The following MAML2 variants were observed in gnomAD, a reference collection of about 807,000 sequenced individuals.
MAML2 encodes the protein mastermind like transcriptional coactivator 2, also known as mastermind-like protein 2.
Under a neutral mutation model 96.1 loss-of-function variants are expected in MAML2, and 22 were observed. That is an observed-to-expected ratio of 0.23 (90% CI 0.16 to 0.33). The LOEUF (loss-of-function observed/expected upper bound fraction) is 0.33, where lower values mean the gene tolerates loss of function less well. Ranked by LOEUF, MAML2 falls within the 10% of genes least tolerant of loss-of-function variation. The probability of loss-of-function intolerance (pLI) is 1.00; values close to 1 mark genes in which losing one functional copy is unlikely to be tolerated. For synonymous variants in MAML2, 561 were observed against 521.3 expected (o/e 1.08, Z -1.04); for missense variants, 1,367 against 1,392.4 (o/e 0.98, Z 0.29).
At chr11:96,199,514 T>C (rs1174192818) in intron 1 of MAML2, among the ~76,000 whole-genome samples, 3 of 151,706 alleles carry the variant, frequency 2.0e-5, no homozygotes, top group Non-Finnish European at 4.4e-5. Context: ...ACCTTCCATG[T>C]TTCAGATAAT....
intron 1 of MAML2, among the ~76,000 whole-genome samples, chr11:96,270,924 A>G (rs1177018613): frequency 6.6e-6 from 1 of 152,194 alleles, no homozygotes; most frequent in African/African-American, 2.4e-5. Flanking sequence ...ATCAGCTGCC[A>G]GTGTGGCTAG....
chr11:96,092,341 A>G lies in MAML2; in HGVS notation c.1690T>C (p.Ser564Pro), dbSNP rs1182590654. The G allele has an allele frequency of 6.2e-7, 1 of 1,610,978 alleles. No homozygotes were observed. The highest frequency in any genetic ancestry group is 8.5e-7 in the Non-Finnish European group (1 of 1,178,712). Reference sequence around the variant, plus strand: ...GGCATCTGCTGGTTCGCTTGATCTGAGTTAAAATGAAACAAAGGCTTGGTG... The same window carrying G: ...GGCATCTGCTGGTTCGCTTGATCTGGGTTAAAATGAAACAAAGGCTTGGTG... ...GNTKPLFHFN[S>P]DQANQQMPSV... Residue 564 changes from serine (S) to proline (P), a missense_variant, in exon 2 of 5, where the codon TCA (serine) becomes CCA (proline). Physicochemically the swap from Ser to Pro is moderately conservative, Grantham distance 74. Coordinates refer to ENST00000524717, the MANE Select transcript of MAML2 (RefSeq NM_032427.4). The surrounding 1 kb of genome is among the most constrained non-coding windows in gnomAD (Gnocchi z 4.1).
intron 1 of MAML2, among the ~76,000 whole-genome samples, chr11:96,148,339 A>G (rs777533996): frequency 6.6e-6 from 1 of 152,150 alleles, no homozygotes; most frequent in Non-Finnish European, 1.5e-5. Context: ...TCAGGCATGC[A>G]GCTCTGAAAG....
At chr11:96,096,362 C>T (rs984453668) in intron 1 of MAML2, among the ~76,000 whole-genome samples, 5 of 152,178 alleles carry the variant, frequency 3.3e-5, no homozygotes, top group Non-Finnish European at 5.9e-5. Flanking sequence ...TGTGAGACAT[C>T]GTACTAAGCA....
At chr11:96,006,784 T>C (rs534892645) in intron 2 of MAML2, among the ~76,000 whole-genome samples, 137 of 151,298 alleles carry the variant, frequency 9.1e-4, no homozygotes, top group Non-Finnish European at 1.3e-3. Context: ...GGTTTCAAAG[T>C]CCTGACCTCA....
chr11:96,155,509 AATATATATATATATATATATAT>A (rs56860340), intron 1 of MAML2, among the ~76,000 whole-genome samples: 17,988 of 74,968 alleles, frequency 0.24, 2,946 homozygotes, highest in East Asian at 0.62. Context: ...TAACAATTCA[AATATATATATATATATATATAT>A]ATATATATAT....
intron 2 of MAML2, among the ~76,000 whole-genome samples, chr11:95,992,882 C>G (rs1288447289): frequency 6.7e-6 from 1 of 149,842 alleles, no homozygotes; most frequent in Non-Finnish European, 1.5e-5. Context: ...ATCCAACTCT[C>G]TCTTTTTTTT....
rs925773841 is a variant in MAML2, at chr11:96,092,036, T to C, written c.1995A>G (p.Gln665=). ...QQQQQQQQQQ[Q]PSSQPAQSLP... ...GAGATTGGGCAGGCTGAGAAGATGG[T>C]TGTTGCTGCTGCTGCTGCTGCTGTT... is the stretch of plus-strand genomic sequence containing the variant. The change falls in exon 2 of 5, where the codon CAA becomes CAG. Residue 665 remains glutamine, a synonymous_variant. Transcript: ENST00000524717. The surrounding 1 kb of genome is among the most constrained non-coding windows in gnomAD (Gnocchi z 4.1). 1 of 1,558,654 alleles carries C rather than the reference T, an allele frequency of 6.4e-7. No homozygotes were observed. Among genetic ancestry groups the C allele is most frequent in the African/African-American group, 1.4e-5 (1 of 72,592 alleles).
At chr11:96,061,952 A>G (rs1006940236) in intron 2 of MAML2, among the ~76,000 whole-genome samples, 1 of 152,244 alleles carries the variant, frequency 6.6e-6, no homozygotes, top group Non-Finnish European at 1.5e-5. Context: ...TTCACTGAAT[A>G]TAAACCACAT....
intron 1 of MAML2, among the ~76,000 whole-genome samples, chr11:96,317,453 T>G (rs774410900): frequency 2.6e-5 from 4 of 152,206 alleles, no homozygotes; most frequent in Admixed American, 6.5e-5. Flanking sequence ...CGGGAAATTA[T>G]GAGGGTATGT....
At chr11:96,028,647 T>G (rs1314831916) in intron 2 of MAML2, among the ~76,000 whole-genome samples, 1 of 152,232 alleles carries the variant, frequency 6.6e-6, no homozygotes, top group African/African-American at 2.4e-5. Flanking sequence ...GATAACTTTT[T>G]TTCTTCTAGA....
At chr11:96,261,245 C>T (rs1368192117) in intron 1 of MAML2, among the ~76,000 whole-genome samples, 1 of 152,082 alleles carries the variant, frequency 6.6e-6, no homozygotes, top group African/African-American at 2.4e-5. Context: ...TTAGCACGCT[C>T]AGCCCCCTCC....
intron 2 of MAML2, among the ~76,000 whole-genome samples, chr11:96,002,977 G>A (rs147721786): frequency 4.5e-4 from 68 of 150,492 alleles, no homozygotes; most frequent in African/African-American, 1.5e-3. Context: ...AGATGGTGAG[G>A]ATGATGATGG....
At chr11:96,023,156 C>G (rs1858462155) in intron 2 of MAML2, among the ~76,000 whole-genome samples, 1 of 152,168 alleles carries the variant, frequency 6.6e-6, no homozygotes, top group Non-Finnish European at 1.5e-5. Flanking sequence ...CCTGGCAGGC[C>G]ACTCAGCCCA....
At chr11:96,015,138 C>A (rs1332975606) in intron 2 of MAML2, among the ~76,000 whole-genome samples, 1 of 152,098 alleles carries the variant, frequency 6.6e-6, no homozygotes, top group African/African-American at 2.4e-5. Context: ...AGAGCCCTGC[C>A]ATAATATCCG....
chr11:96,124,291 C>T (rs1860401883), intron 1 of MAML2, among the ~76,000 whole-genome samples: 1 of 152,050 alleles, frequency 6.6e-6, no homozygotes, highest in South Asian at 2.1e-4. Context: ...GGGAGATAGG[C>T]ATGAATAAGA....
At chr11:95,986,768 G>A (rs1430837609) in intron 3 of MAML2, among the ~76,000 whole-genome samples, 2 of 151,990 alleles carry the variant, frequency 1.3e-5, no homozygotes, top group Admixed American at 1.3e-4. Context: ...CACACAATAC[G>A]AGGCCCCTTG....
chr11:96,314,285 G>A (rs899043419), intron 1 of MAML2, among the ~76,000 whole-genome samples: 2 of 152,228 alleles, frequency 1.3e-5, no homozygotes, highest in African/African-American at 4.8e-5. Flanking sequence ...CCAGCCAGCT[G>A]CTGTTTATAA....
At chr11:96,079,394 G>A (rs1364343530) in intron 2 of MAML2, among the ~76,000 whole-genome samples, 1 of 152,152 alleles carries the variant, frequency 6.6e-6, no homozygotes, top group Non-Finnish European at 1.5e-5. Flanking sequence ...AATTCCTTGA[G>A]GGCAAGGATT....
Sources: gnomAD v4.1 joint callset for allele counts (sites outside exome capture counted in the v4.1 genomes callset) on GRCh38, gnomAD v4.1.1 for gene constraint, Gnocchi (gnomAD v3.1) non-coding constraint, MANE v1.5 for transcripts, NCBI Gene and HGNC (gene_info 2026-07-23, HGNC 2026-07-21) for gene names.